CELF2: variants seen among roughly 807,000 people sequenced by gnomAD.
CELF2 encodes CUG triplet repeat RNA-binding protein 2.
CELF2 carries 8 observed loss-of-function variants against 62.6 expected under a neutral mutation model. The observed-to-expected ratio is 0.13, with a 90% confidence interval of 0.07 to 0.23. CELF2 has a LOEUF of 0.23. Among genes scored for constraint, CELF2 ranks in the 10% least tolerant of loss-of-function variants. CELF2 has a pLI of 1.00. For missense variants in CELF2, 333 were observed against 671.0 expected, an observed-to-expected ratio of 0.50 and a Z score of 5.56; for synonymous variants, 258 against 250.0, an observed-to-expected ratio of 1.03 and a Z score of -0.30.
chr10:11,076,361 CT>C (rs1249914133), intron 1 of CELF2, among the ~76,000 whole-genome samples: 2 of 152,156 alleles, frequency 1.3e-5, no homozygotes, highest in Non-Finnish European at 2.9e-5. Flanking sequence ...AAGGCAGTTG[CT>C]ATGGGGGTGC....
At chr10:11,067,373 A>G (rs994112002) in intron 1 of CELF2, among the ~76,000 whole-genome samples, 3 of 152,174 alleles carry the variant, frequency 2.0e-5, no homozygotes, top group African/African-American at 7.2e-5. Flanking sequence ...GGGGAACTTT[A>G]TTTCTGAATT....
chr10:10,527,273 C>G, the CELF2 span, among the ~76,000 whole-genome samples: 1 of 152,076 alleles, frequency 6.6e-6, no homozygotes, highest in East Asian at 1.9e-4. Context: ...GAAACCCCAT[C>G]TCTACTAAAA....
intron 1 of CELF2, among the ~76,000 whole-genome samples, chr10:10,850,466 G>A (rs943772325): frequency 5.3e-5 from 8 of 152,160 alleles, no homozygotes; most frequent in East Asian, 1.9e-4. Flanking sequence ...TCAGAGCTAC[G>A]CTGATTGGAA....
intron 5 of CELF2, among the ~76,000 whole-genome samples, chr10:11,265,220 C>G (rs2081869935): frequency 1.3e-5 from 2 of 152,198 alleles, no homozygotes; most frequent in African/African-American, 4.8e-5. Flanking sequence ...GCAGAATATT[C>G]TATTTTGCTT....
chr10:11,065,942 G>A (rs752111236), intron 1 of CELF2, among the ~76,000 whole-genome samples: 8 of 152,158 alleles, frequency 5.3e-5, no homozygotes, highest in Non-Finnish European at 1.0e-4. Context: ...ATTAGGCCAC[G>A]TGCTTATGCA....
chr10:10,488,256 CA>C, the CELF2 span, among the ~76,000 whole-genome samples: 2 of 152,054 alleles, frequency 1.3e-5, no homozygotes, highest in Admixed American at 1.3e-4. Context: ...GCGATGAAAA[CA>C]AACGACTGAA....
In CELF2 at chr10:11,207,402, GAAA is replaced by G. The variant is rs2060682346; in HGVS notation, c.272-10022_272-10020del. On this transcript the variant is annotated intron_variant, in intron 2 of 12. Transcript: ENST00000633077. The surrounding 1 kb of genome is among the most constrained non-coding windows in gnomAD (Gnocchi z 4.1). ...GCCTGGATCTTGTGGCCAGTTGACA[GAAA>G]GTTGGTCCTAGCGTGTCAAATGGAG... 6.6e-6 allele frequency among the ~76,000 whole-genome samples: 1 copy of G among 152,218 alleles called. No homozygotes were observed. Among genetic ancestry groups the G allele is most frequent in the African/African-American group, 2.4e-5 (1 of 41,458 alleles).
intron 2 of CELF2, among the ~76,000 whole-genome samples, chr10:10,981,950 CTTTTTTTTTTT>C (rs34134637): frequency 4.8e-5 from 6 of 125,356 alleles, no homozygotes; most frequent in Non-Finnish European, 6.6e-5. Context: ...CTTCCTTTTC[CTTTTTTTTTTT>C]TTTTTTTTTT....
chr10:11,086,598 A>AC (rs2046842211), intron 1 of CELF2, among the ~76,000 whole-genome samples: 2 of 146,042 alleles, frequency 1.4e-5, no homozygotes, highest in South Asian at 2.2e-4. Flanking sequence ...AAAAAAAAAA[A>AC]AAAAAAAAAA....
At chr10:10,593,179 C>G in the CELF2 span, among the ~76,000 whole-genome samples, 3 of 152,156 alleles carry the variant, frequency 2.0e-5, no homozygotes, top group Non-Finnish European at 4.4e-5. Flanking sequence ...GCAGATACAT[C>G]AGTTGGATTT....
At chr10:10,552,598 C>T in the CELF2 span, among the ~76,000 whole-genome samples, 2 of 152,128 alleles carry the variant, frequency 1.3e-5, no homozygotes, top group Non-Finnish European at 2.9e-5. Context: ...CTCAAGAGAA[C>T]CTTCTGAGTG....
rs1013675499 is a variant in CELF2 at position 10,928,089 on chromosome 10, C to T, written c.89+8090C>T. 1.3e-5 allele frequency among the ~76,000 whole-genome samples: 2 copies of T among 152,150 alleles called. No individual in the cohort carries two copies. Among genetic ancestry groups the T allele is most frequent in the Non-Finnish European group, 2.9e-5 (2 of 68,022 alleles). On this transcript the variant is annotated intron_variant, in intron 2 of 13. Coordinates refer to the CELF2 transcript ENST00000636488. The surrounding 1 kb of genome is among the most constrained non-coding windows in gnomAD (Gnocchi z 4.8). Reference sequence around the variant, plus strand: ...CTTCCACAGAAAGTTCTCCTTTCACCACCCTATTAAGTAACCCCCCAACAC... The same window carrying T: ...CTTCCACAGAAAGTTCTCCTTTCACTACCCTATTAAGTAACCCCCCAACAC...
Position 11,207,713 on chromosome 10 carries a change from C to T in CELF2, c.272-9712C>T, listed in dbSNP as rs960722784. On this transcript the variant is annotated intron_variant, in intron 2 of 12. Transcript: ENST00000633077. The surrounding 1 kb of genome is among the most constrained non-coding windows in gnomAD (Gnocchi z 4.1). ...CGGAAGGCCCGATGGCAGCATCGCCCGTCAGCTTCCTAGGCAGTGGCCAGA... is the reference window on the plus strand; with the variant it reads ...CGGAAGGCCCGATGGCAGCATCGCCTGTCAGCTTCCTAGGCAGTGGCCAGA... Among the ~76,000 whole-genome samples, 13 of 152,192 alleles carry T rather than the reference C, an allele frequency of 8.5e-5. No individual in the cohort carries two copies. Among genetic ancestry groups the T allele is most frequent in the African/African-American group, 2.9e-4 (12 of 41,450 alleles).
chr10:10,898,483 G>A (rs1289687459), intron 1 of CELF2, among the ~76,000 whole-genome samples: 1 of 152,186 alleles, frequency 6.6e-6, no homozygotes, highest in Non-Finnish European at 1.5e-5. Context: ...ATTAGTAGTA[G>A]ACGAAGTCAG....
chr10:10,994,704 T>C (rs2053769606), intron 2 of CELF2, among the ~76,000 whole-genome samples: 1 of 152,136 alleles, frequency 6.6e-6, no homozygotes, highest in Non-Finnish European at 1.5e-5. Context: ...AAGAGTTTCA[T>C]CTCAAAACCA....
Position 11,117,620 on chromosome 10 carries a change from C to T in CELF2, c.75-47866C>T, listed in dbSNP as rs2143786914. Among the ~76,000 whole-genome samples the T allele has an allele frequency of 6.6e-6, 1 of 152,294 alleles. No homozygotes were observed. Among genetic ancestry groups the T allele is most frequent in the Admixed American group, 6.5e-5 (1 of 15,292 alleles). On this transcript the variant is annotated intron_variant, in intron 1 of 12. Transcript: ENST00000633077. This position sits in a 1 kb window ranked among gnomAD's most constrained non-coding sequence, Gnocchi z 4.1. ...ACAAAAACCACGTGTGTGATGGTAT[C>T]ATGACATGAATATGATCCTTGCTGA...
the CELF2 span, among the ~76,000 whole-genome samples, chr10:10,707,443 G>T: frequency 6.6e-6 from 1 of 152,196 alleles, no homozygotes; most frequent in Non-Finnish European, 1.5e-5. Context: ...ATGGTGAAAT[G>T]ATAGTTGTCA....
the CELF2 span, among the ~76,000 whole-genome samples, chr10:10,672,437 T>C: frequency 6.6e-6 from 1 of 152,102 alleles, no homozygotes; most frequent in Non-Finnish European, 1.5e-5. Context: ...TTTAAGTCTG[T>C]GATCCATTTT....
the CELF2 span, among the ~76,000 whole-genome samples, chr10:10,528,535 G>A: frequency 6.6e-6 from 1 of 152,192 alleles, no homozygotes; most frequent in African/African-American, 2.4e-5. Context: ...GAAGACCACA[G>A]AGGTGAGCAT....
Sources: gnomAD v4.1 joint callset for allele counts (sites outside exome capture counted in the v4.1 genomes callset) on GRCh38, gnomAD v4.1.1 for gene constraint, Gnocchi (gnomAD v3.1) non-coding constraint, MANE v1.5 for transcripts, NCBI Gene and HGNC (gene_info 2026-07-23, HGNC 2026-07-21) for gene names.